Variants in TDRD9 observed in about 807,000 individuals in gnomAD.
The protein encoded by TDRD9 is tudor domain containing 9.
Under a neutral mutation model 172.6 loss-of-function variants are expected in TDRD9, and 124 were observed. The observed-to-expected ratio is 0.72, with a 90% CI of 0.62 to 0.83. The LOEUF (loss-of-function observed/expected upper bound fraction) is 0.83, where lower values mean the gene tolerates loss of function less well. Among genes scored for constraint, TDRD9 ranks in the 40% least tolerant of loss-of-function variants. The pLI is 0.00. For missense variants in TDRD9, 1,479 were observed against 1,714.1 expected, an observed-to-expected ratio of 0.86 and a Z score of 2.42; for synonymous variants, 619 against 617.1, an observed-to-expected ratio of 1.00 and a Z score of -0.05.
rs900009310 is a variant in TDRD9 at position 104,002,545 on chromosome 14, T to G, written c.1484-1693T>G. Among the ~76,000 whole-genome samples the G allele has an allele frequency of 2.0e-5, 3 of 152,096 alleles. No homozygotes were observed. In the East Asian group the frequency reaches 5.8e-4, roughly 29 times the overall value. ...ATTGACTACACCTGGGCATTGGTCC[T>G]CTTTGAATGTGGTTTGAGCAGTTGG... On this transcript the variant is annotated intron_variant, in intron 13 of 35. Coordinates refer to ENST00000409874, the MANE Select transcript of TDRD9 (RefSeq NM_153046.3).
chr14:104,051,625 T>C (rs935757996), intron 35 of TDRD9, among the ~76,000 whole-genome samples: 2 of 152,240 alleles, frequency 1.3e-5, no homozygotes, highest in East Asian at 3.8e-4. Flanking sequence ...GTTGTTTTTT[T>C]GACTTTTTAA....
chr14:103,940,518 CT>C (rs1328797442), intron 1 of TDRD9: 1 of 265,738 alleles, frequency 3.8e-6, no homozygotes, highest in Admixed American at 4.9e-5. Flanking sequence ...ATTTGTCAGA[CT>C]TCATACTAAA....
At chr14:104,048,304 T>C (rs2035839926) in intron 34 of TDRD9, among the ~76,000 whole-genome samples, 1 of 152,208 alleles carries the variant, frequency 6.6e-6, no homozygotes, top group Non-Finnish European at 1.5e-5. Flanking sequence ...AGTGATGTGA[T>C]CATAGCTCAC....
chr14:103,933,481 A>G (rs1046732533), intron 1 of TDRD9, among the ~76,000 whole-genome samples: 1 of 152,238 alleles, frequency 6.6e-6, no homozygotes. Flanking sequence ...CCTTCATCAT[A>G]GGAAGCTTTC....
At chr14:104,035,616 G>A (rs1161846739) in intron 32 of TDRD9, among the ~76,000 whole-genome samples, 2 of 152,268 alleles carry the variant, frequency 1.3e-5, no homozygotes, top group African/African-American at 2.4e-5. Context: ...GTAAGGTTTT[G>A]TTTGCAGACT....
At chr14:104,045,654 A>G (rs2035750302) in intron 34 of TDRD9, among the ~76,000 whole-genome samples, 1 of 152,216 alleles carries the variant, frequency 6.6e-6, no homozygotes, top group African/African-American at 2.4e-5. Context: ...TACCCAATGC[A>G]ACAGTGTTGG....
At chr14:103,996,392 G>T (rs1385708045) in intron 12 of TDRD9, among the ~76,000 whole-genome samples, 4 of 152,164 alleles carry the variant, frequency 2.6e-5, no homozygotes, top group Non-Finnish European at 5.9e-5. Flanking sequence ...GAGATGCTTA[G>T]CAGGTAAAAA....
intron 6 of TDRD9, 125 bp from the exon 7 acceptor site, chr14:103,975,264 G>A: frequency 5.4e-6 from 4 of 744,102 alleles, no homozygotes; most frequent in Non-Finnish European, 8.4e-6. Flanking sequence ...AATCAGGGTG[G>A]TCTGTTTAAA....
In TDRD9 at chr14:104,003,442, A is replaced by G. The variant is rs558808139; in HGVS notation, c.1484-796A>G. 7.2e-5 allele frequency among the ~76,000 whole-genome samples: 11 copies of G among 152,338 alleles called. No homozygotes were observed. In the East Asian group the frequency reaches 1.4e-3, roughly 19 times the overall value. On this transcript the variant is annotated intron_variant, in intron 13 of 35. Transcript: ENST00000409874. Reference sequence around the variant, plus strand: ...CATTGGTTCACCCCTCTTGACCTACATCATAGGTTAAAGAAAACATTGCCA... The same window carrying G: ...CATTGGTTCACCCCTCTTGACCTACGTCATAGGTTAAAGAAAACATTGCCA...
intron 28 of TDRD9, among the ~76,000 whole-genome samples, chr14:104,029,824 C>T (rs968771654): frequency 2.6e-5 from 4 of 152,116 alleles, no homozygotes; most frequent in Admixed American, 2.6e-4. Context: ...CATGTATGGC[C>T]TTTCTTGCGT....
intron 22 of TDRD9, among the ~76,000 whole-genome samples, chr14:104,017,548 C>T (rs1351357010): frequency 6.6e-6 from 1 of 152,218 alleles, no homozygotes; most frequent in Non-Finnish European, 1.5e-5. Context: ...GAGCCCCGTG[C>T]AGAGCTGCGC....
chr14:104,006,195 A>T (rs569542086), intron 15 of TDRD9, among the ~76,000 whole-genome samples, 194 bp from the exon 16 acceptor site: 2 of 152,310 alleles, frequency 1.3e-5, no homozygotes, highest in Admixed American at 1.3e-4. Flanking sequence ...TTAAAAAAAA[A>T]GTAAAATGTG....
intron 18 of TDRD9, 88 bp downstream of exon 18, chr14:104,006,933 A>G: frequency 8.4e-7 from 1 of 1,190,628 alleles, no homozygotes; most frequent in South Asian, 1.3e-5. Context: ...GTAGAGACAG[A>G]CAATGTTTTA....
chr14:103,973,886 A>T (rs984697942), intron 6 of TDRD9, among the ~76,000 whole-genome samples: 2 of 152,184 alleles, frequency 1.3e-5, no homozygotes, highest in Admixed American at 6.5e-5. Flanking sequence ...TAACTGCAAC[A>T]ACAATGCTTA....
At chr14:103,943,633 G>A (rs1225688758) in intron 1 of TDRD9, among the ~76,000 whole-genome samples, 1 of 151,766 alleles carries the variant, frequency 6.6e-6, no homozygotes, top group African/African-American at 2.4e-5. Flanking sequence ...ACAGGCATGA[G>A]CCACTGCGCT....
At chr14:103,979,442 A>G (rs1299109685) in intron 7 of TDRD9, among the ~76,000 whole-genome samples, 1 of 152,226 alleles carries the variant, frequency 6.6e-6, no homozygotes, top group Non-Finnish European at 1.5e-5. Context: ...GCCTCTGCTC[A>G]GGGAGCTGGT....
At chr14:103,940,991 C>G (rs1307900904) in intron 1 of TDRD9, 1 of 1,535,402 alleles carries the variant, frequency 6.5e-7, no homozygotes, top group Admixed American at 2.0e-5. Context: ...TCCTCCAGGT[C>G]CTCTTGCTCA....
At chr14:104,049,120 A>ATATGTG (rs1555377359) in intron 34 of TDRD9, among the ~76,000 whole-genome samples, 7 of 101,980 alleles carry the variant, frequency 6.9e-5, no homozygotes, top group Admixed American at 6.2e-4. Flanking sequence ...GTATGTATGT[A>ATATGTG]TGTGTGTGTG....
At chr14:103,961,859 G>C (rs1022812004) in intron 2 of TDRD9, among the ~76,000 whole-genome samples, 2 of 152,190 alleles carry the variant, frequency 1.3e-5, no homozygotes, top group Admixed American at 1.3e-4. Context: ...GAGAAGCCTG[G>C]TTGTGTGTTT....
Sources: gnomAD v4.1 joint callset for allele counts (sites outside exome capture counted in the v4.1 genomes callset) on GRCh38, gnomAD v4.1.1 for gene constraint, MANE v1.5 for transcripts, NCBI Gene and HGNC (gene_info 2026-07-23, HGNC 2026-07-21) for gene names.